The following ABCA13 variants were observed in gnomAD, a reference collection of about 807,000 sequenced individuals.
ABCA13 encodes ATP binding cassette subfamily A member 13, also known as ATP-binding cassette sub-family A member 13.
ABCA13 carries 476 observed loss-of-function variants against 478.7 expected under a neutral mutation model. The ratio of observed to expected loss-of-function variants is 0.99; its 90% CI spans 0.92 to 1.07. The LOEUF is 1.07. Ranked by LOEUF, ABCA13 falls within the 50% of genes least tolerant of loss-of-function variation. The pLI, the probability that ABCA13 is intolerant of heterozygous loss-of-function variation, is 0.00. For synonymous variants in ABCA13, 2,252 were observed against 2,158.9 expected (o/e 1.04, Z -1.20); for missense variants, 6,060 against 5,910.6 (o/e 1.03, Z -0.83).
At chr7:48,490,346 A>C (rs1219317966) in intron 48 of ABCA13, among the ~76,000 whole-genome samples, 2 of 152,226 alleles carry the variant, frequency 1.3e-5, no homozygotes, top group African/African-American at 4.8e-5. Flanking sequence ...TTTTTATGTC[A>C]ATTTTGTAAG....
At position 48,248,455 on chromosome 7, in the gene ABCA13, G is replaced by A. The variant is rs762114146; in HGVS notation, c.1865+11G>A. The A allele has an allele frequency of 3.9e-6, 6 of 1,554,668 alleles. No individual in the cohort carries two copies. The highest frequency in any genetic ancestry group is 4.3e-6 in the Non-Finnish European group (5 of 1,150,204). The stretch of plus-strand genomic sequence containing the variant: ...GCTTGTCTCCACAGTGTAAGTACAT[G>A]TTTGGTGGGAAACTTATAAACAATT... On this transcript the variant is annotated intron_variant, in intron 14 of 61. Transcript: ENST00000435803.
chr7:48,449,979 T>C (rs148886143), intron 42 of ABCA13, among the ~76,000 whole-genome samples: 1 of 152,362 alleles, frequency 6.6e-6, no homozygotes, highest in African/African-American at 2.4e-5. Flanking sequence ...TCTGACATTA[T>C]GTATATTTCA....
chr7:48,470,991 A>G (rs1394642804), intron 44 of ABCA13, among the ~76,000 whole-genome samples: 2 of 152,246 alleles, frequency 1.3e-5, no homozygotes, highest in Non-Finnish European at 1.5e-5. Flanking sequence ...AATAGAAATG[A>G]TAGGGAAACT....
intron 41 of ABCA13, among the ~76,000 whole-genome samples, chr7:48,418,407 C>G (rs945308101): frequency 2.0e-5 from 3 of 152,290 alleles, no homozygotes; most frequent in African/African-American, 7.2e-5. Context: ...TATCTCACTG[C>G]TGCCTTAATT....
chr7:48,324,755 T>C (rs983265115), intron 27 of ABCA13, among the ~76,000 whole-genome samples: 4 of 152,206 alleles, frequency 2.6e-5, no homozygotes, highest in African/African-American at 9.6e-5. Flanking sequence ...AATTCCCCAC[T>C]GAACCTTGGA....
chr7:48,481,642 TCTACAGGCAC>T (rs1284895504), intron 46 of ABCA13, among the ~76,000 whole-genome samples: 2 of 64,144 alleles, frequency 3.1e-5, no homozygotes, highest in Non-Finnish European at 6.6e-5. Context: ...AGTAGCTGGG[TCTACAGGCAC>T]CTGCCACCAC....
intron 55 of ABCA13, among the ~76,000 whole-genome samples, chr7:48,569,434 T>C (rs969691450): frequency 1.3e-5 from 2 of 152,252 alleles, no homozygotes; most frequent in African/African-American, 4.8e-5. Flanking sequence ...AGATTGCTTC[T>C]GTATTGATTT....
intron 48 of ABCA13, among the ~76,000 whole-genome samples, chr7:48,490,594 TTGAC>T (rs150190801): frequency 0.034 from 5,202 of 152,270 alleles, 90 homozygotes; most frequent in East Asian, 0.08. Context: ...GAGCAGAAGT[TTGAC>T]TGAGGTCAGA....
chr7:48,524,637 A>G (rs1832769271), intron 54 of ABCA13, among the ~76,000 whole-genome samples, 197 bp downstream of exon 54: 1 of 128,448 alleles, frequency 7.8e-6, no homozygotes, highest in South Asian at 2.4e-4. Flanking sequence ...AACTTGGCTG[A>G]TTGATAGGAT....
At chr7:48,429,876 AAAC>A (rs974417677) in intron 42 of ABCA13, among the ~76,000 whole-genome samples, 3 of 152,192 alleles carry the variant, frequency 2.0e-5, no homozygotes, top group Admixed American at 2.0e-4. Context: ...TTGGTAGTTA[AAAC>A]AACATTGCAT....
intron 55 of ABCA13, among the ~76,000 whole-genome samples, chr7:48,536,601 T>G (rs1011071646): frequency 6.6e-6 from 1 of 150,896 alleles, no homozygotes; most frequent in Non-Finnish European, 1.5e-5. Flanking sequence ...TGAGCCAAGA[T>G]CACACCACTG....
chr7:48,468,758 T>C (rs1827158914), intron 44 of ABCA13, among the ~76,000 whole-genome samples: 1 of 152,182 alleles, frequency 6.6e-6, no homozygotes. Flanking sequence ...ATTCTACTGA[T>C]AGGTTGCTTT....
chr7:48,387,943 G>T lies in ABCA13; in HGVS notation c.11457G>T (p.Glu3819Asp). Residue 3819 changes from glutamate (E) to aspartate (D), a missense_variant, in exon 36 of 62, where the codon GAG becomes GAT. By Grantham distance (45) the Glu-to-Asp change is conservative. Transcript: ENST00000435803. ...GTTCTAGTCTGTTCTTCTTCAATGA[G>T]AACTTTGACAATAAAGGTTTGTAAG... ...FLSSSLFFFN[E>D]NFDNKGSSLQ... 6.2e-7 allele frequency: 1 copy of T among 1,609,458 alleles called. No homozygotes were observed. Among genetic ancestry groups the T allele is most frequent in the Non-Finnish European group, 8.5e-7 (1 of 1,178,410 alleles).
chr7:48,646,713 G>A lies in ABCA13; in HGVS notation c.*1201G>A, dbSNP rs1795459887. On this transcript the variant is annotated 3_prime_UTR_variant, in exon 62 of 62. Coordinates refer to ENST00000435803, the MANE Select transcript of ABCA13 (RefSeq NM_152701.5). ...TTTTAGTATTTTTAGTAGAGACGGG[G>A]TTTCACCGTGTTAGCCAGGATGGTC... 6.6e-6 allele frequency: 1 copy of A among 152,104 alleles called. No individual in the cohort carries two copies. Among genetic ancestry groups the A allele is most frequent in the Non-Finnish European group, 1.5e-5 (1 of 68,074 alleles). The allele number at this position is 152,104 out of a possible 1,614,324, so 9.4% of individuals were successfully genotyped here.
chr7:48,361,335 C>T (rs557815024), intron 31 of ABCA13, among the ~76,000 whole-genome samples: 1 of 151,672 alleles, frequency 6.6e-6, no homozygotes, highest in East Asian at 1.9e-4. Context: ...ATTTTCTTCT[C>T]TCCCTTTCTC....
At chr7:48,584,842 T>A (rs1374706913) in intron 56 of ABCA13, among the ~76,000 whole-genome samples, 1 of 152,204 alleles carries the variant, frequency 6.6e-6, no homozygotes, top group Non-Finnish European at 1.5e-5. Context: ...TTTCATTAAA[T>A]GTTGATTCGG....
chr7:48,180,707 G>A (rs748003850), intron 1 of ABCA13, among the ~76,000 whole-genome samples: 5 of 152,086 alleles, frequency 3.3e-5, no homozygotes, highest in African/African-American at 9.7e-5. Context: ...GATTACAGGC[G>A]TGAGCCACCA....
In ABCA13 at chr7:48,355,027, C is replaced by T. The variant is rs898380321; in HGVS notation, c.10688+2540C>T. On this transcript the variant is annotated intron_variant, in intron 31 of 61. Transcript: ENST00000435803. Reference sequence around the variant, plus strand: ...GAATAAGTAAAGAAAATAAGTAAATCAGTAAAGAAAATAGGTGAATCAGTA... The same window carrying T: ...GAATAAGTAAAGAAAATAAGTAAATTAGTAAAGAAAATAGGTGAATCAGTA... 4.6e-5 allele frequency among the ~76,000 whole-genome samples: 7 copies of T among 151,352 alleles called. 1 individual carries two copies. Among genetic ancestry groups the T allele is most frequent in the Non-Finnish European group, 8.9e-5 (6 of 67,786 alleles).
intron 31 of ABCA13, among the ~76,000 whole-genome samples, chr7:48,367,107 T>G (rs1198731625): frequency 6.6e-6 from 1 of 152,070 alleles, no homozygotes; most frequent in East Asian, 1.9e-4. Flanking sequence ...ATGCCTACAT[T>G]TAAAGGCAGG....
Sources: allele counts gnomAD v4.1 joint callset (sites outside exome capture counted in the v4.1 genomes callset), GRCh38; gene constraint gnomAD v4.1.1; transcripts MANE v1.5; gene names NCBI Gene and HGNC (gene_info 2026-07-23, HGNC 2026-07-21).